Variants in PRMT8 observed in about 807,000 individuals in gnomAD.
PRMT8 encodes protein arginine methyltransferase 8, also known as protein arginine N-methyltransferase 8.
Under a neutral mutation model 47.1 loss-of-function variants are expected in PRMT8, and 7 were observed. That is an observed-to-expected ratio of 0.15 (90% CI 0.08 to 0.28). PRMT8 has a LOEUF of 0.28. Among genes scored for constraint, PRMT8 ranks in the 10% least tolerant of loss-of-function variants. The probability of loss-of-function intolerance (pLI) is 1.00; values close to 1 mark genes in which losing one functional copy is unlikely to be tolerated. For missense variants in PRMT8, 237 were observed against 505.4 expected (o/e 0.47, Z 5.09); for synonymous variants, 188 against 186.5 (o/e 1.01, Z -0.07).
chr12:3,496,534 A>G (rs1222243426), intron 1 of PRMT8, among the ~76,000 whole-genome samples: 1 of 151,988 alleles, frequency 6.6e-6, no homozygotes, highest in East Asian at 1.9e-4. Flanking sequence ...CAGAGTGTGT[A>G]CACTAACTAG....
intron 1 of PRMT8, among the ~76,000 whole-genome samples, chr12:3,473,216 C>CAT (rs1865177328): frequency 6.6e-6 from 1 of 152,148 alleles, no homozygotes; most frequent in African/African-American, 2.4e-5. Context: ...ACTTTCACAG[C>CAT]TCCCCTCTCC....
intron 1 of PRMT8, among the ~76,000 whole-genome samples, chr12:3,447,206 T>C (rs375878551): frequency 6.6e-6 from 1 of 152,164 alleles, no homozygotes; most frequent in Admixed American, 6.5e-5. Flanking sequence ...CAGAGTCTCA[T>C]TTTGCTTTCC....
intron 1 of PRMT8, among the ~76,000 whole-genome samples, chr12:3,429,521 A>G (rs1864650448): frequency 6.6e-6 from 1 of 152,224 alleles, no homozygotes; most frequent in Non-Finnish European, 1.5e-5. Context: ...TACAGTTTAT[A>G]CCAAATCTGA....
At chr12:3,553,517 C>A in intron 3 of PRMT8, 134 bp from the exon 4 acceptor site, 1 of 772,260 alleles carries the variant, frequency 1.3e-6, no homozygotes, top group Non-Finnish European at 2.2e-6. Context: ...TTTCAGTCTG[C>A]CACAAAGTTG....
At chr12:3,485,858 A>G (rs1407425266) in intron 1 of PRMT8, among the ~76,000 whole-genome samples, 1 of 152,238 alleles carries the variant, frequency 6.6e-6, no homozygotes, top group African/African-American at 2.4e-5. Flanking sequence ...AGAAAAATCT[A>G]GCAAAGTTTA....
Position 3,552,517 on chromosome 12 carries a change from G to C in PRMT8, c.418-1134G>C. 1 of 316,806 alleles carries C rather than the reference G, an allele frequency of 3.2e-6. No homozygotes were observed. Among genetic ancestry groups the C allele is most frequent in the South Asian group, 2.5e-5 (1 of 39,988 alleles). The allele number at this position is 316,806 out of a possible 1,614,324, so 19.6% of individuals were successfully genotyped here. A position where few individuals can be genotyped will look rare whatever the true frequency, so the allele number is the denominator to read the frequency against. On this transcript the variant is annotated intron_variant, in intron 3 of 9. Transcript: ENST00000382622. The surrounding 1 kb of genome is among the most constrained non-coding windows in gnomAD (Gnocchi z 4.5). ...TCACTCAACATGGTCGCCTCTTGCA[G>C]ATCAGATGATGACATGGCCAGAGGG... is the stretch of plus-strand genomic sequence containing the variant.
rs1028011548 is a variant in PRMT8, at chr12:3,453,920, G to A, written c.48+72478G>A. Among the ~76,000 whole-genome samples, 10 of 152,198 alleles carry A rather than the reference G, an allele frequency of 6.6e-5. No homozygotes were observed. The highest frequency in any genetic ancestry group is 1.3e-4 in the Non-Finnish European group (9 of 68,046). On this transcript the variant is annotated intron_variant, in intron 1 of 9. Coordinates refer to the PRMT8 transcript ENST00000452611. The surrounding 1 kb of genome is among the most constrained non-coding windows in gnomAD (Gnocchi z 4.9). The stretch of plus-strand genomic sequence containing the variant: ...CTCAGCGTTCAACACGGGGTGCCTC[G>A]TGTGCTCCTCATGGCACATTTACCA...
At chr12:3,529,772 C>T (rs1240450519) in intron 1 of PRMT8, among the ~76,000 whole-genome samples, 10 of 152,078 alleles carry the variant, frequency 6.6e-5, no homozygotes, top group African/African-American at 2.4e-4. Flanking sequence ...TTTTCTCCAC[C>T]TTCAGCTCAA....
At position 3,506,645 on chromosome 12, in the gene PRMT8, A is replaced by G. The variant is rs74057473; in HGVS notation, c.75+14945A>G. 4.4e-4 allele frequency among the ~76,000 whole-genome samples: 67 copies of G among 152,280 alleles called. 1 individual carries two copies. The highest frequency in any genetic ancestry group is 1.6e-3 in the African/African-American group (66 of 41,562). On this transcript the variant is annotated intron_variant, in intron 1 of 9. Coordinates refer to ENST00000382622, the MANE Select transcript of PRMT8 (RefSeq NM_019854.5). ...CTCAGGTGTTTGTCCACATCTATCA[A>G]ATGAAAATGAAGCCTCATGGAGTTC... is the stretch of plus-strand genomic sequence containing the variant.
chr12:3,427,882 TTA>T (rs983173023), intron 1 of PRMT8, among the ~76,000 whole-genome samples: 5 of 152,220 alleles, frequency 3.3e-5, no homozygotes, highest in African/African-American at 9.6e-5. Context: ...TGAACTTCCT[TTA>T]TGTCTGTGGA....
chr12:3,410,313 TG>T (rs558107347), intron 1 of PRMT8, among the ~76,000 whole-genome samples: 4 of 152,234 alleles, frequency 2.6e-5, no homozygotes, highest in Non-Finnish European at 4.4e-5. Context: ...AGTGACCCAC[TG>T]CCTGGGCAAA....
At chr12:3,553,755 A>T (rs752886728) in intron 4 of PRMT8, 41 bp downstream of exon 4, 2 of 1,512,348 alleles carry the variant, frequency 1.3e-6, no homozygotes, top group Non-Finnish European at 1.8e-6. Flanking sequence ...GATGGAGGGG[A>T]CGGGAAGCTC....
Position 3,583,012 on chromosome 12 carries a change from G to GTCGCC in PRMT8, c.829-46_829-45insTCGCC. 1 of 1,593,032 alleles carries GTCGCC rather than the reference G, an allele frequency of 6.3e-7. No individual in the cohort carries two copies. Among genetic ancestry groups the GTCGCC allele is most frequent in the Non-Finnish European group, 8.6e-7 (1 of 1,167,836 alleles). On this transcript the variant is annotated intron_variant, in intron 7 of 9. Coordinates refer to ENST00000382622, the MANE Select transcript of PRMT8 (RefSeq NM_019854.5). The surrounding 1 kb of genome is among the most constrained non-coding windows in gnomAD (Gnocchi z 4.7). ...AGGCTGCTGACCGGGACCCAGACTTGGTGGAGGCGATAAGTTCCCGGCATT... is the reference window on the plus strand; with the variant it reads ...AGGCTGCTGACCGGGACCCAGACTTGTCGCCGTGGAGGCGATAAGTTCCCGGCATT...
In PRMT8 at chr12:3,508,092, C is replaced by T. The variant is rs532107931; in HGVS notation, c.75+16392C>T. On this transcript the variant is annotated intron_variant, in intron 1 of 9. Coordinates refer to ENST00000382622, the MANE Select transcript of PRMT8 (RefSeq NM_019854.5). This position sits in a 1 kb window ranked among gnomAD's most constrained non-coding sequence, Gnocchi z 4.9. ...GAGGATTACATTTGATAATGGGATA[C>T]GACATAAAGCTGGTAGATGTTTTCT... Among the ~76,000 whole-genome samples the T allele has an allele frequency of 2.6e-5, 4 of 152,226 alleles. No homozygotes were observed. The highest frequency in any genetic ancestry group is 2.1e-4 in the South Asian group (1 of 4,824).
chr12:3,573,309 G>A lies in PRMT8; in HGVS notation c.713-3562G>A, dbSNP rs183481928. 1.8e-4 allele frequency among the ~76,000 whole-genome samples: 27 copies of A among 151,976 alleles called. No homozygotes were observed. In the Middle Eastern group the frequency reaches 0.017, roughly 96 times the overall value. On this transcript the variant is annotated intron_variant, in intron 6 of 9. Coordinates refer to ENST00000382622, the MANE Select transcript of PRMT8 (RefSeq NM_019854.5). ...TCTTCTTTCCTTATATTGTTATTTC[G>A]ATTTCTAACATTTCCACTGGCTTTT...
At position 3,436,639 on chromosome 12, in the gene PRMT8, G is replaced by A. The variant is rs892952255; in HGVS notation, c.48+55197G>A. The stretch of plus-strand genomic sequence containing the variant: ...TTTTGCGTTGAGAAGTTTCAGCTGG[G>A]TGCATGGCCATAATTGGGTTACGGG... On this transcript the variant is annotated intron_variant, in intron 1 of 9. Coordinates refer to the PRMT8 transcript ENST00000452611. This position sits in a 1 kb window ranked among gnomAD's most constrained non-coding sequence, Gnocchi z 4.2. Among the ~76,000 whole-genome samples the A allele has an allele frequency of 1.3e-5, 2 of 152,166 alleles. No individual in the cohort carries two copies. The highest frequency in any genetic ancestry group is 6.5e-5 in the Admixed American group (1 of 15,284).
chr12:3,498,501 A>C (rs965227160), intron 1 of PRMT8, among the ~76,000 whole-genome samples: 1 of 152,162 alleles, frequency 6.6e-6, no homozygotes, highest in Non-Finnish European at 1.5e-5. Context: ...CACAGTCTCC[A>C]GTACTGTGCC....
chr12:3,415,430 G>A (rs1864473882), intron 1 of PRMT8, among the ~76,000 whole-genome samples: 1 of 152,132 alleles, frequency 6.6e-6, no homozygotes, highest in East Asian at 1.9e-4. Flanking sequence ...GTCATGAGGT[G>A]GGGCTGAAAG....
In PRMT8 at chr12:3,535,005, G is replaced by T. The variant is rs752847149; in HGVS notation, c.76-5601G>T. Among the ~76,000 whole-genome samples, 1 of 152,258 alleles carries T rather than the reference G, an allele frequency of 6.6e-6. No homozygotes were observed. The highest frequency in any genetic ancestry group is 1.5e-5 in the Non-Finnish European group (1 of 68,050). On this transcript the variant is annotated intron_variant, in intron 1 of 9. Transcript: ENST00000382622. This position sits in a 1 kb window ranked among gnomAD's most constrained non-coding sequence, Gnocchi z 4.7. The stretch of plus-strand genomic sequence containing the variant: ...CTATCTATAAAGTGCTTGGCGCAGC[G>T]CCTGGGGCGCAGTGGGCCCTTAGTC...
Sources: gnomAD v4.1 joint callset for allele counts (sites outside exome capture counted in the v4.1 genomes callset) on GRCh38, gnomAD v4.1.1 for gene constraint, Gnocchi (gnomAD v3.1) non-coding constraint, MANE v1.5 for transcripts, NCBI Gene and HGNC (gene_info 2026-07-23, HGNC 2026-07-21) for gene names.